BNC2: variants seen among roughly 807,000 people sequenced by gnomAD.
The protein encoded by BNC2 is basonuclin zinc finger protein 2.
In BNC2, 20 loss-of-function variants were observed where a neutral mutation model predicts 76.3. The observed-to-expected ratio is 0.26, with a 90% CI of 0.18 to 0.38. The LOEUF is 0.38. Ranked by LOEUF, BNC2 falls within the 10% of genes least tolerant of loss-of-function variation. The pLI is 1.00. For synonymous variants in BNC2, 582 were observed against 514.8 expected (o/e 1.13, Z -1.77); for missense variants, 1,382 against 1,399.8 (o/e 0.99, Z 0.20).
At chr9:16,862,852 G>C (rs1446518592) in intron 1 of BNC2, among the ~76,000 whole-genome samples, 1 of 151,712 alleles carries the variant, frequency 6.6e-6, no homozygotes, top group Admixed American at 6.6e-5. Flanking sequence ...CTTTTTCTGT[G>C]GGAAGGTCAC....
intron 5 of BNC2, among the ~76,000 whole-genome samples, chr9:16,509,946 G>A (rs1193011331): frequency 1.3e-5 from 2 of 152,214 alleles, no homozygotes; most frequent in African/African-American, 4.8e-5. Flanking sequence ...TTGAGTGCAA[G>A]TATTTTTGAA....
chr9:16,868,831 T>C (rs866727716), intron 1 of BNC2, among the ~76,000 whole-genome samples: 1 of 152,168 alleles, frequency 6.6e-6, no homozygotes. Context: ...AAGTAAATGT[T>C]CTGTTAACTT....
chr9:16,565,106 T>A (rs1358520588), intron 4 of BNC2, among the ~76,000 whole-genome samples: 1 of 152,172 alleles, frequency 6.6e-6, no homozygotes, highest in Non-Finnish European at 1.5e-5. Flanking sequence ...TCCTAACTGA[T>A]TTGGTCTCTC....
chr9:16,737,189 C>A (rs1479071702), intron 2 of BNC2, among the ~76,000 whole-genome samples: 1 of 151,290 alleles, frequency 6.6e-6, no homozygotes, highest in African/African-American at 2.4e-5. Flanking sequence ...ACTGGAACCT[C>A]AAACTCCTGG....
intron 1 of BNC2, among the ~76,000 whole-genome samples, chr9:16,744,181 G>C (rs1824934708): frequency 6.6e-6 from 1 of 152,090 alleles, no homozygotes; most frequent in Non-Finnish European, 1.5e-5. Flanking sequence ...ATGTTAGCCA[G>C]GATGGTCTCA....
At position 16,556,037 on chromosome 9, in the gene BNC2, C is replaced by A. The variant is rs1296403911; in HGVS notation, c.434-3272G>T. Among the ~76,000 whole-genome samples the A allele has an allele frequency of 2.6e-5, 4 of 152,294 alleles. No homozygotes were observed. The East Asian group carries it at 7.7e-4, about 29-fold the overall frequency. On this transcript the variant is annotated intron_variant, in intron 4 of 6. Transcript: ENST00000380672. ...TACTTAGGCCAGGTGCAGTGGCTCA[C>A]ACCTGTAATCCCAGCGCTGTGGGAG...
chr9:16,796,082 G>T (rs1817639588), intron 1 of BNC2, among the ~76,000 whole-genome samples: 1 of 152,130 alleles, frequency 6.6e-6, no homozygotes, highest in African/African-American at 2.4e-5. Context: ...TCACTTCAAA[G>T]CCCACACTCC....
At chr9:16,531,392 G>C (rs532920131) in intron 5 of BNC2, among the ~76,000 whole-genome samples, 3 of 148,360 alleles carry the variant, frequency 2.0e-5, no homozygotes, top group East Asian at 2.0e-4. Flanking sequence ...GTTTCTGAGG[G>C]AATAAGAAAA....
At chr9:16,557,596 G>A (rs1396238774) in intron 4 of BNC2, among the ~76,000 whole-genome samples, 1 of 151,934 alleles carries the variant, frequency 6.6e-6, no homozygotes, top group African/African-American at 2.4e-5. Flanking sequence ...AGGTGAAGCT[G>A]GAGTAATCAT....
chr9:16,484,902 T>G (rs901243620), intron 5 of BNC2, among the ~76,000 whole-genome samples: 1 of 152,194 alleles, frequency 6.6e-6, no homozygotes, highest in Non-Finnish European at 1.5e-5. Context: ...AGGCATTGTT[T>G]TACACATCCA....
At chr9:16,497,446 T>A in intron 5 of BNC2, among the ~76,000 whole-genome samples, 1 of 152,178 alleles carries the variant, frequency 6.6e-6, no homozygotes, top group East Asian at 1.9e-4. Flanking sequence ...ATATTACATA[T>A]TCTCTAATTC....
intron 5 of BNC2, among the ~76,000 whole-genome samples, chr9:16,539,444 C>T (rs1308941884): frequency 1.3e-5 from 2 of 150,816 alleles, no homozygotes; most frequent in Non-Finnish European, 2.9e-5. Flanking sequence ...GGGAGGATGA[C>T]TTGAGCCAGG....
At chr9:16,730,999 T>C (rs748284628) in intron 2 of BNC2, among the ~76,000 whole-genome samples, 8 of 152,118 alleles carry the variant, frequency 5.3e-5, no homozygotes, top group Non-Finnish European at 8.8e-5. Context: ...CCTCTATAAA[T>C]CCCCAAGATA....
Position 16,583,074 on chromosome 9 carries a change from G to A in BNC2, c.342C>T (p.Cys114=). ...LFRMSQQAIR[C]TLVNCTCECF... Reference sequence around the variant, plus strand: ...ATTCACATGTGCAGTTTACCAGTGTGCAACGGATGGCCTGAAAAATAAAGG... The same window carrying A: ...ATTCACATGTGCAGTTTACCAGTGTACAACGGATGGCCTGAAAAATAAAGG... Residue 114 remains cysteine (C), a synonymous_variant, in exon 4 of 7, where the codon TGC becomes TGT. Transcript: ENST00000380672. The A allele has an allele frequency of 1.2e-6, 2 of 1,613,868 alleles. No individual in the cohort carries two copies. The highest frequency in any genetic ancestry group is 1.6e-4 in the Middle Eastern group (1 of 6,062).
chr9:16,586,868 C>T (rs1184013581), intron 3 of BNC2, among the ~76,000 whole-genome samples: 7 of 152,142 alleles, frequency 4.6e-5, no homozygotes, highest in African/African-American at 1.7e-4. Flanking sequence ...GAAACCCTTA[C>T]ACAGATTGGA....
intron 3 of BNC2, among the ~76,000 whole-genome samples, chr9:16,656,290 C>T (rs553295224): frequency 6.6e-6 from 1 of 152,202 alleles, no homozygotes; most frequent in African/African-American, 2.4e-5. Context: ...AAGCAGGAGA[C>T]AAGAAAAGTG....
intron 3 of BNC2, among the ~76,000 whole-genome samples, chr9:16,596,972 A>T (rs1223486109): frequency 6.6e-6 from 1 of 152,158 alleles, no homozygotes; most frequent in Non-Finnish European, 1.5e-5. Flanking sequence ...AGAAAATGTG[A>T]TCTATCACCT....
At chr9:16,442,566 T>C (rs1290419398) in intron 5 of BNC2, among the ~76,000 whole-genome samples, 1 of 152,014 alleles carries the variant, frequency 6.6e-6, no homozygotes, top group African/African-American at 2.4e-5. Flanking sequence ...GAAAGAGGGA[T>C]AGTAGGGAAG....
chr9:16,531,859 C>G (rs937933649), intron 5 of BNC2, among the ~76,000 whole-genome samples: 4 of 152,098 alleles, frequency 2.6e-5, no homozygotes, highest in Non-Finnish European at 2.9e-5. Context: ...AAATGCTTGA[C>G]TAACACCACC....
Sources: allele counts gnomAD v4.1 joint callset (sites outside exome capture counted in the v4.1 genomes callset), GRCh38; gene constraint gnomAD v4.1.1; transcripts MANE v1.5; gene names NCBI Gene and HGNC (gene_info 2026-07-23, HGNC 2026-07-21).